The following LRRTM4 variants were observed in gnomAD, a reference collection of about 807,000 sequenced individuals.
The protein encoded by LRRTM4 is leucine rich repeat transmembrane neuronal 4, also known as leucine-rich repeat transmembrane neuronal protein 4.
LRRTM4 carries 25 observed loss-of-function variants against 47.6 expected under a neutral mutation model. That is an observed-to-expected ratio of 0.53 (90% CI 0.38 to 0.73). LRRTM4 has a LOEUF of 0.73. LRRTM4 is among the 30% of genes least tolerant of loss of function. The pLI is 0.00. For missense variants in LRRTM4, 638 were observed against 713.4 expected (o/e 0.89, Z 1.20); for synonymous variants, 311 against 269.5 (o/e 1.15, Z -1.51).
At chr2:76,949,954 G>C (rs1364162573) in intron 3 of LRRTM4, among the ~76,000 whole-genome samples, 1 of 151,890 alleles carries the variant, frequency 6.6e-6, no homozygotes, top group African/African-American at 2.4e-5. Flanking sequence ...AGGAAAAGTA[G>C]AGATAAGATA....
At chr2:77,035,007 T>A (rs1678785502) in intron 3 of LRRTM4, among the ~76,000 whole-genome samples, 1 of 151,860 alleles carries the variant, frequency 6.6e-6, no homozygotes, top group Non-Finnish European at 1.5e-5. Context: ...ATTCTCCAAA[T>A]GTGATTAACT....
chr2:77,365,068 G>A (rs74891637), intron 3 of LRRTM4, among the ~76,000 whole-genome samples: 2,798 of 151,922 alleles, frequency 0.018, 110 homozygotes, highest in African/African-American at 0.064. Flanking sequence ...GAACACTAAT[G>A]AGATATAAGA....
At chr2:77,115,669 A>C (rs940503160) in intron 3 of LRRTM4, among the ~76,000 whole-genome samples, 4 of 152,202 alleles carry the variant, frequency 2.6e-5, no homozygotes, top group East Asian at 1.9e-4. Flanking sequence ...TTTTAGACTC[A>C]TTGGAAAATT....
intron 3 of LRRTM4, among the ~76,000 whole-genome samples, chr2:77,414,544 C>A (rs532536270): frequency 1.3e-5 from 2 of 152,228 alleles, no homozygotes; most frequent in African/African-American, 4.8e-5. Context: ...ATTTGCCAAC[C>A]ACAGACACTA....
rs1406675085 is a variant in LRRTM4 at position 77,305,734 on chromosome 2, A to G, written c.1551+212584T>C. Among the ~76,000 whole-genome samples, 3 of 152,278 alleles carry G rather than the reference A, an allele frequency of 2.0e-5. No individual in the cohort carries two copies. In the East Asian group the frequency reaches 5.8e-4, roughly 29 times the overall value. On this transcript the variant is annotated intron_variant, in intron 3 of 3. Coordinates refer to ENST00000409884, the MANE Select transcript of LRRTM4 (RefSeq NM_001134745.3). The stretch of plus-strand genomic sequence containing the variant: ...ATATGATACCTCAAATTTAAAGTAA[A>G]AAAGGTGGATGTTATACTTTCTGAG...
intron 3 of LRRTM4, among the ~76,000 whole-genome samples, chr2:76,780,615 C>G (rs1203727786): frequency 2.6e-5 from 4 of 152,166 alleles, no homozygotes; most frequent in African/African-American, 9.7e-5. Context: ...TCCATCACCT[C>G]CTTTAAGCAC....
In LRRTM4 at chr2:76,804,148, T is replaced by C. The variant is rs186382210; in HGVS notation, c.1552-55232A>G. ...TGGACCTGTGAGTGTGACTACATGCTGAGTCCTCCAAGTCTTCCTACTAAA... is the reference window on the plus strand; with the variant it reads ...TGGACCTGTGAGTGTGACTACATGCCGAGTCCTCCAAGTCTTCCTACTAAA... On this transcript the variant is annotated intron_variant, in intron 3 of 3. Transcript: ENST00000409884. 2.2e-3 allele frequency among the ~76,000 whole-genome samples: 334 copies of C among 152,312 alleles called. 3 individuals are homozygous for C. The highest frequency in any genetic ancestry group is 8.0e-3 in the African/African-American group (331 of 41,572).
chr2:77,163,471 G>A (rs891742055), intron 3 of LRRTM4, among the ~76,000 whole-genome samples: 3 of 152,074 alleles, frequency 2.0e-5, no homozygotes, highest in Non-Finnish European at 2.9e-5. Context: ...AGGAAATATA[G>A]AGAACTCCAC....
rs1239377344 is a variant in LRRTM4 at position 76,970,933 on chromosome 2, T to C, written c.1552-222017A>G. On this transcript the variant is annotated intron_variant, in intron 3 of 3. Transcript: ENST00000409884. ...AATATAATGAGGCCTACTTGAGTCATGGGATCATGGTATTACTTGCTGTTT... is the reference window on the plus strand; with the variant it reads ...AATATAATGAGGCCTACTTGAGTCACGGGATCATGGTATTACTTGCTGTTT... Among the ~76,000 whole-genome samples the C allele has an allele frequency of 2.0e-5, 3 of 151,968 alleles. No individual in the cohort carries two copies. The East Asian group carries it at 5.8e-4, about 30-fold the overall frequency.
chr2:77,379,889 T>C (rs1573335820), intron 3 of LRRTM4, among the ~76,000 whole-genome samples: 1 of 152,120 alleles, frequency 6.6e-6, no homozygotes, highest in Non-Finnish European at 1.5e-5. Flanking sequence ...TTGGTCTATC[T>C]TTATCTCAGG....
intron 3 of LRRTM4, among the ~76,000 whole-genome samples, chr2:77,360,500 ACG>A (rs1491583386): frequency 6.7e-5 from 10 of 149,736 alleles, no homozygotes; most frequent in African/African-American, 2.0e-4. Flanking sequence ...ACGATACGAT[ACG>A]ATACGATACG....
intron 3 of LRRTM4, among the ~76,000 whole-genome samples, chr2:77,047,873 G>T (rs1679286539): frequency 6.6e-6 from 1 of 151,996 alleles, no homozygotes; most frequent in African/African-American, 2.4e-5. Flanking sequence ...GACATTTTGG[G>T]CATACTTATT....
intron 3 of LRRTM4, among the ~76,000 whole-genome samples, chr2:77,475,425 G>T (rs1882682): frequency 0.93 from 141,571 of 152,106 alleles, 65,940 homozygotes; most frequent in African/African-American, 0.95. Flanking sequence ...TCATAACAAA[G>T]CATGGCTAAA....
chr2:77,370,136 A>C (rs1672607337), intron 3 of LRRTM4, among the ~76,000 whole-genome samples: 2 of 151,704 alleles, frequency 1.3e-5, no homozygotes, highest in Admixed American at 1.3e-4. Flanking sequence ...AACACAAGCA[A>C]GGTTGTTGCT....
At chr2:77,514,889 G>A (rs1445654863) in intron 3 of LRRTM4, among the ~76,000 whole-genome samples, 2 of 151,878 alleles carry the variant, frequency 1.3e-5, no homozygotes, top group Non-Finnish European at 2.9e-5. Flanking sequence ...TTGATATACA[G>A]AATGAAGCAA....
chr2:76,911,583 C>T (rs993239650), intron 3 of LRRTM4, among the ~76,000 whole-genome samples: 6 of 151,872 alleles, frequency 4.0e-5, no homozygotes, highest in Non-Finnish European at 8.8e-5. Context: ...CATTGTGGGA[C>T]TCTGATATGC....
At chr2:76,951,185 C>T (rs1675481167) in intron 3 of LRRTM4, among the ~76,000 whole-genome samples, 1 of 151,942 alleles carries the variant, frequency 6.6e-6, no homozygotes, top group Admixed American at 6.6e-5. Flanking sequence ...AACTTATAAG[C>T]ATCAAGGAAC....
intron 3 of LRRTM4, among the ~76,000 whole-genome samples, chr2:76,892,342 ATG>A (rs1673281768): frequency 6.6e-6 from 1 of 151,734 alleles, no homozygotes; most frequent in African/African-American, 2.4e-5. Flanking sequence ...GAGAACTTAT[ATG>A]TGTTTAAACT....
chr2:77,049,767 C>T (rs10173901), intron 3 of LRRTM4, among the ~76,000 whole-genome samples: 79,586 of 151,020 alleles, frequency 0.53, 23,009 homozygotes, highest in African/African-American at 0.79. Flanking sequence ...TATTGTTTTC[C>T]TTGCTGTGCA....
Sources: allele counts gnomAD v4.1 joint callset (sites outside exome capture counted in the v4.1 genomes callset), GRCh38; gene constraint gnomAD v4.1.1; transcripts MANE v1.5; gene names NCBI Gene and HGNC (gene_info 2026-07-23, HGNC 2026-07-21).